The following TRPM1 variants were observed in gnomAD, a reference collection of about 807,000 sequenced individuals.
TRPM1 encodes the protein TRPM1-203 APA Isoform, Intron 10.
In TRPM1, 113 loss-of-function variants were observed where a neutral mutation model predicts 149.4. The ratio of observed to expected loss-of-function variants is 0.76; its 90% CI spans 0.65 to 0.88. The LOEUF (loss-of-function observed/expected upper bound fraction) is 0.88. TRPM1 is among the 40% of genes least tolerant of loss of function. The pLI is 0.00. For synonymous variants in TRPM1, 741 were observed against 759.5 expected (o/e 0.98, Z 0.40); for missense variants, 1,976 against 2,038.7 (o/e 0.97, Z 0.59).
chr15:31,078,175 G>A (rs189037632), intron 2 of TRPM1, among the ~76,000 whole-genome samples: 40 of 152,264 alleles, frequency 2.6e-4, no homozygotes, highest in Admixed American at 7.2e-4. Flanking sequence ...AGGTATCTGC[G>A]GGGTGAGGCT....
At chr15:31,148,771 G>T (rs1181901574) in intron 1 of TRPM1, among the ~76,000 whole-genome samples, 8 of 152,214 alleles carry the variant, frequency 5.3e-5, no homozygotes, top group African/African-American at 1.9e-4. Flanking sequence ...AACCTGTGGG[G>T]AGAAGGAGGT....
intron 1 of TRPM1, among the ~76,000 whole-genome samples, chr15:31,093,899 GCCGA>G (rs1478543684): frequency 6.6e-6 from 1 of 152,002 alleles, no homozygotes; most frequent in East Asian, 1.9e-4. Flanking sequence ...CCCGCACATG[GCCGA>G]CAAAGCAATC....
intron 27 of TRPM1, among the ~76,000 whole-genome samples, chr15:31,019,775 G>A (rs2032493995): frequency 6.6e-6 from 1 of 151,714 alleles, no homozygotes; most frequent in Non-Finnish European, 1.5e-5. Context: ...GACCTCAAGT[G>A]ATCCACCTTG....
intron 1 of TRPM1, among the ~76,000 whole-genome samples, chr15:31,159,835 A>C (rs1463505296): frequency 6.6e-6 from 1 of 152,112 alleles, no homozygotes; most frequent in South Asian, 2.1e-4. Flanking sequence ...TTTTTAGCCC[A>C]GATAAATAAC....
intron 1 of TRPM1, among the ~76,000 whole-genome samples, chr15:31,093,260 CAAAAAAAAAAAA>C (rs34790478): frequency 1.7e-4 from 11 of 63,192 alleles, no homozygotes; most frequent in Non-Finnish European, 2.7e-4. Flanking sequence ...GACTTTGTCT[CAAAAAAAAAAAA>C]AAAAAAAAAA....
At position 31,040,410 on chromosome 15, in the gene TRPM1, C is replaced by T; in HGVS notation, c.2088-64G>A. ...GGCCGCAAGCTGTTTCTTAGACAGGCATATCCACCAAGGACTTATGGAGCC... is the reference window on the plus strand; with the variant it reads ...GGCCGCAAGCTGTTTCTTAGACAGGTATATCCACCAAGGACTTATGGAGCC... On this transcript the variant is annotated intron_variant, in intron 17 of 27. Coordinates refer to ENST00000256552, the MANE Select transcript of TRPM1 (RefSeq NM_001252024.2). This position sits in a 1 kb window ranked among gnomAD's most constrained non-coding sequence, Gnocchi z 4.2. The T allele has an allele frequency of 7.2e-7, 1 of 1,388,956 alleles. No individual in the cohort carries two copies. The highest frequency in any genetic ancestry group is 1.0e-6 in the Non-Finnish European group (1 of 979,018). The allele number at this position is 1,388,956 out of a possible 1,614,324, so 86.0% of individuals were successfully genotyped here. A position where few individuals can be genotyped will look rare whatever the true frequency, so the allele number is the denominator to read the frequency against.
intron 1 of TRPM1, among the ~76,000 whole-genome samples, chr15:31,113,101 T>C (rs992996710): frequency 2.0e-5 from 3 of 152,218 alleles, no homozygotes; most frequent in African/African-American, 7.2e-5. Flanking sequence ...CCAGGGCTGC[T>C]GTCTTGGCTT....
intron 1 of TRPM1, among the ~76,000 whole-genome samples, chr15:31,113,487 T>C (rs1357106320): frequency 6.6e-6 from 1 of 151,846 alleles, no homozygotes; most frequent in Non-Finnish European, 1.5e-5. Flanking sequence ...TCAAACAATA[T>C]CTTAAAGACA....
At chr15:31,107,880 C>G (rs2035629848) in intron 1 of TRPM1, among the ~76,000 whole-genome samples, 1 of 147,978 alleles carries the variant, frequency 6.8e-6, no homozygotes, top group Admixed American at 6.7e-5. Flanking sequence ...TTTTTTGAGA[C>G]TGAGTCTTGC....
At chr15:31,039,078 C>T (rs2033525129) in intron 18 of TRPM1, among the ~76,000 whole-genome samples, 1 of 151,054 alleles carries the variant, frequency 6.6e-6, no homozygotes, top group Admixed American at 6.6e-5. Flanking sequence ...GAGTCTTTGC[C>T]TGTCTTAAAC....
At chr15:31,096,728 G>A (rs966696350) in intron 1 of TRPM1, among the ~76,000 whole-genome samples, 7 of 152,178 alleles carry the variant, frequency 4.6e-5, no homozygotes, top group African/African-American at 1.4e-4. Flanking sequence ...CTCCTTTCCC[G>A]ATGTTCTCTG....
chr15:31,084,829 C>T (rs1433925003), intron 1 of TRPM1, among the ~76,000 whole-genome samples: 3 of 135,054 alleles, frequency 2.2e-5, no homozygotes, highest in African/African-American at 5.7e-5. Flanking sequence ...CCCGCCACCA[C>T]GCCTGGCTAA....
intron 1 of TRPM1, among the ~76,000 whole-genome samples, chr15:31,153,535 G>C (rs1029049189): frequency 2.0e-5 from 3 of 152,128 alleles, no homozygotes; most frequent in Non-Finnish European, 4.4e-5. Flanking sequence ...ATGTTGGCCA[G>C]GCTGTCTCGA....
At chr15:31,067,027 T>TA (rs752060802) in intron 6 of TRPM1, 36 bp downstream of exon 6, 5 of 1,614,094 alleles carry the variant, frequency 3.1e-6, no homozygotes, top group Non-Finnish European at 4.2e-6. Context: ...TCATTAATTT[T>TA]AAAAAACTGC....
intron 1 of TRPM1, among the ~76,000 whole-genome samples, chr15:31,137,014 G>A (rs894159133): frequency 2.6e-5 from 4 of 152,164 alleles, no homozygotes; most frequent in Non-Finnish European, 4.4e-5. Flanking sequence ...GGAGGTCCCT[G>A]TCTTCCTCAT....
chr15:31,001,965 G>T lies in TRPM1; in HGVS notation c.4735C>A (p.Pro1579Thr). 6.2e-7 allele frequency: 1 copy of T among 1,614,130 alleles called. No individual in the cohort carries two copies. Among genetic ancestry groups the T allele is most frequent in the Non-Finnish European group, 8.5e-7 (1 of 1,180,026 alleles). ...SLRSKSLHGH[P>T]RNVKSIQGKL... is the part of the protein sequence containing the mutation. ...CCCTGAATGGATTTCACATTCCTAG[G>T]ATGTCCATGTAAACTTTTTGACCTG... Residue 1579 changes from proline (P) to threonine (T), a missense_variant, in exon 28 of 28, where the codon CCT (proline) becomes ACT (threonine). By Grantham distance (38) the Pro-to-Thr change is conservative. Around this residue, in one of 3 missense-constraint regions of TRPM1, gnomAD observed 572 missense variants for 578.9 expected, o/e 0.99. Transcript: ENST00000256552.
intron 1 of TRPM1, among the ~76,000 whole-genome samples, chr15:31,160,296 TG>T (rs1393315179): frequency 6.6e-6 from 1 of 152,176 alleles, no homozygotes; most frequent in Non-Finnish European, 1.5e-5. Flanking sequence ...GCATGTGCTG[TG>T]GGAGGTCCTG....
intron 1 of TRPM1, among the ~76,000 whole-genome samples, chr15:31,124,660 A>G (rs1482738458): frequency 6.6e-6 from 1 of 151,582 alleles, no homozygotes; most frequent in African/African-American, 2.4e-5. Flanking sequence ...GTCTCAAAAA[A>G]AAAAAAAAAA....
At chr15:31,155,355 A>G (rs970098856) in intron 1 of TRPM1, among the ~76,000 whole-genome samples, 4 of 152,188 alleles carry the variant, frequency 2.6e-5, no homozygotes, top group Non-Finnish European at 5.9e-5. Context: ...TCCTGCCTGC[A>G]GCTCCAACCA....
Sources: gnomAD v4.1 joint callset for allele counts (sites outside exome capture counted in the v4.1 genomes callset) on GRCh38, gnomAD v4.1.1 for gene constraint, gnomAD v4.1.1 regional missense constraint, Gnocchi (gnomAD v3.1) non-coding constraint, MANE v1.5 for transcripts, NCBI Gene and HGNC (gene_info 2026-07-23, HGNC 2026-07-21) for gene names.